The following RABGAP1L variants were observed in gnomAD, a reference collection of about 807,000 sequenced individuals.
The protein encoded by RABGAP1L is rab GTPase-activating protein 1-like.
A neutral mutation model predicts 137.7 loss-of-function variants in RABGAP1L; 63 were observed. The ratio of observed to expected loss-of-function variants is 0.46; its 90% confidence interval spans 0.37 to 0.56. RABGAP1L has a LOEUF of 0.56. RABGAP1L is among the 20% of genes least tolerant of loss of function. The probability of loss-of-function intolerance (pLI) is 0.00; values close to 1 mark genes in which losing one functional copy is unlikely to be tolerated. For missense variants in RABGAP1L, 1,095 were observed against 1,244.0 expected, an observed-to-expected ratio of 0.88 and a Z score of 1.80; for synonymous variants, 431 against 433.7, an observed-to-expected ratio of 0.99 and a Z score of 0.08.
intron 13 of RABGAP1L, among the ~76,000 whole-genome samples, chr1:174,420,189 G>T (rs1651085294): frequency 6.8e-6 from 1 of 146,064 alleles, no homozygotes; most frequent in South Asian, 2.1e-4. Flanking sequence ...GTTCTTGGAG[G>T]CCCAACCTCC....
At chr1:174,611,044 A>T (rs1004062598) in intron 13 of RABGAP1L, among the ~76,000 whole-genome samples, 1 of 149,372 alleles carries the variant, frequency 6.7e-6, no homozygotes, top group Non-Finnish European at 1.5e-5. Flanking sequence ...TGCTGTGCAG[A>T]AGCTCTTTAG....
chr1:174,976,829 C>CT (rs1670684272), intron 22 of RABGAP1L, among the ~76,000 whole-genome samples: 1 of 152,194 alleles, frequency 6.6e-6, no homozygotes. Flanking sequence ...GCAGAGAGGC[C>CT]TATGGGCCCA....
At chr1:174,818,372 T>TAAG (rs1690657449) in intron 19 of RABGAP1L, among the ~76,000 whole-genome samples, 1 of 152,138 alleles carries the variant, frequency 6.6e-6, no homozygotes. Context: ...AGGTCATGTA[T>TAAG]AAGGTACTGA....
intron 17 of RABGAP1L, among the ~76,000 whole-genome samples, chr1:174,708,800 G>A (rs979797974): frequency 1.3e-5 from 2 of 152,156 alleles, no homozygotes; most frequent in Non-Finnish European, 2.9e-5. Context: ...CCCCAGTGGT[G>A]CCTGGAATGC....
At chr1:174,783,456 C>A (rs918115151) in intron 18 of RABGAP1L, among the ~76,000 whole-genome samples, 16 of 152,126 alleles carry the variant, frequency 1.1e-4, no homozygotes, top group Middle Eastern at 6.8e-3. Flanking sequence ...CCCCGCCGCC[C>A]GTAACAGTAT....
chr1:174,791,100 A>G (rs1687826167), intron 18 of RABGAP1L, among the ~76,000 whole-genome samples: 1 of 151,702 alleles, frequency 6.6e-6, no homozygotes, highest in African/African-American at 2.4e-5. Flanking sequence ...CTGAGACAGG[A>G]GAATTGCTTG....
intron 14 of RABGAP1L, among the ~76,000 whole-genome samples, chr1:174,668,272 C>A (rs1232401427): frequency 2.6e-5 from 4 of 152,092 alleles, no homozygotes; most frequent in Non-Finnish European, 1.5e-5. Flanking sequence ...TCCTCCTGAC[C>A]ACCACAGCCT....
chr1:174,443,935 C>T (rs1004583017), intron 13 of RABGAP1L, among the ~76,000 whole-genome samples: 6 of 151,958 alleles, frequency 3.9e-5, no homozygotes, highest in Non-Finnish European at 8.8e-5. Flanking sequence ...ATGGAAGACA[C>T]TGTCTTTTCA....
intron 7 of RABGAP1L, among the ~76,000 whole-genome samples, chr1:174,267,663 A>T (rs773709294): frequency 3.9e-5 from 6 of 152,236 alleles, no homozygotes; most frequent in Non-Finnish European, 7.3e-5. Context: ...TGTAAATTAT[A>T]TGAGAAGGCA....
intron 12 of RABGAP1L, among the ~76,000 whole-genome samples, chr1:174,371,675 A>G (rs1685123131): frequency 6.6e-6 from 1 of 152,174 alleles, no homozygotes; most frequent in South Asian, 2.1e-4. Flanking sequence ...GGTGTAATGA[A>G]AAAATCCTGC....
chr1:174,610,772 T>C (rs1040317756), intron 13 of RABGAP1L, among the ~76,000 whole-genome samples: 2 of 152,198 alleles, frequency 1.3e-5, no homozygotes, highest in African/African-American at 4.8e-5. Flanking sequence ...TAGTATCTCA[T>C]TGTGGTTTTG....
At chr1:174,530,573 C>T (rs1044383846) in intron 13 of RABGAP1L, among the ~76,000 whole-genome samples, 2 of 152,144 alleles carry the variant, frequency 1.3e-5, no homozygotes, top group Non-Finnish European at 2.9e-5. Flanking sequence ...CTTTCAATTA[C>T]CTTTTCCCCA....
chr1:174,263,438 TTAAATTACTGTG>T (rs912077181), intron 7 of RABGAP1L, among the ~76,000 whole-genome samples: 47 of 152,236 alleles, frequency 3.1e-4, no homozygotes, highest in African/African-American at 1.1e-3. Flanking sequence ...TTTTCCCTGT[TTAAATTACTGTG>T]TTTTCTGTCC....
intron 19 of RABGAP1L, among the ~76,000 whole-genome samples, chr1:174,868,131 G>A (rs1020022763): frequency 6.6e-6 from 1 of 151,212 alleles, no homozygotes; most frequent in African/African-American, 2.4e-5. Context: ...ATTTTTTTTT[G>A]TATTTTTATT....
chr1:174,448,099 A>G lies in RABGAP1L; in HGVS notation c.1710+53954A>G, dbSNP rs200461838. On this transcript the variant is annotated intron_variant, in intron 13 of 25. Coordinates refer to ENST00000681986, the MANE Select transcript of RABGAP1L (RefSeq NM_001366446.1). This position sits in a 1 kb window ranked among gnomAD's most constrained non-coding sequence, Gnocchi z 4.2. ...TGTAGCCAAGTCTGCAGGTGTCTTT[A>G]AATTTCCAAGCCATGAATGAATCCA... 6.2e-7 allele frequency: 1 copy of G among 1,601,216 alleles called. No individual in the cohort carries two copies. Among genetic ancestry groups the G allele is most frequent in the East Asian group, 2.2e-5 (1 of 44,774 alleles).
intron 1 of RABGAP1L, among the ~76,000 whole-genome samples, chr1:174,212,177 A>AT (rs1668946941): frequency 6.6e-6 from 1 of 152,008 alleles, no homozygotes; most frequent in Non-Finnish European, 1.5e-5. Flanking sequence ...AAGAATACAT[A>AT]TTTTTTTCCT....
At chr1:174,233,592 A>T (rs1480421006) in intron 4 of RABGAP1L, among the ~76,000 whole-genome samples, 4 of 141,728 alleles carry the variant, frequency 2.8e-5, no homozygotes, top group Admixed American at 1.4e-4. Flanking sequence ...AAAGGACATG[A>T]ACTCATCATT....
intron 13 of RABGAP1L, among the ~76,000 whole-genome samples, chr1:174,435,178 C>G (rs1653111581): frequency 6.6e-6 from 1 of 152,082 alleles, no homozygotes; most frequent in Non-Finnish European, 1.5e-5. Flanking sequence ...CACCACCACA[C>G]CCAGCTAAAT....
At chr1:174,548,897 T>C (rs1408139680) in intron 13 of RABGAP1L, among the ~76,000 whole-genome samples, 3 of 152,212 alleles carry the variant, frequency 2.0e-5, no homozygotes, top group South Asian at 2.1e-4. Flanking sequence ...AAAACTACAA[T>C]AGTGATCTAA....
Sources: allele counts gnomAD v4.1 joint callset (sites outside exome capture counted in the v4.1 genomes callset), GRCh38; gene constraint gnomAD v4.1.1; non-coding constraint Gnocchi (gnomAD v3.1); transcripts MANE v1.5; gene names NCBI Gene and HGNC (gene_info 2026-07-23, HGNC 2026-07-21).